PTPRM: variants seen among roughly 807,000 people sequenced by gnomAD.
PTPRM encodes protein tyrosine phosphatase receptor type M.
A neutral mutation model predicts 186.7 loss-of-function variants in PTPRM; 47 were observed. That is an observed-to-expected ratio of 0.25 (90% confidence interval 0.20 to 0.32). The LOEUF (loss-of-function observed/expected upper bound fraction) is 0.32. Ranked by LOEUF, PTPRM falls within the 10% of genes least tolerant of loss-of-function variation. The pLI is 1.00. For missense variants in PTPRM, 1,494 were observed against 1,865.0 expected (o/e 0.80, Z 3.66); for synonymous variants, 668 against 674.9 (o/e 0.99, Z 0.16).
At chr18:8,375,058 A>T (rs925793429) in intron 24 of PTPRM, among the ~76,000 whole-genome samples, 1 of 152,258 alleles carries the variant, frequency 6.6e-6, no homozygotes, top group African/African-American at 2.4e-5. Context: ...TTTTCAAAAC[A>T]GTCTTTTGCT....
chr18:8,301,247 T>G (rs937820359), intron 20 of PTPRM, among the ~76,000 whole-genome samples: 2 of 152,236 alleles, frequency 1.3e-5, no homozygotes, highest in Non-Finnish European at 2.9e-5. Context: ...TAAAACTGTT[T>G]ATTGGCTTTT....
At chr18:7,730,344 CTA>C (rs1468842142) in intron 1 of PTPRM, among the ~76,000 whole-genome samples, 1 of 152,122 alleles carries the variant, frequency 6.6e-6, no homozygotes, top group Non-Finnish European at 1.5e-5. Flanking sequence ...CCAGTCATTT[CTA>C]TGTTACCCCT....
At chr18:8,376,684 T>A in intron 26 of PTPRM, 87 bp downstream of exon 26, 1 of 1,432,202 alleles carries the variant, frequency 7.0e-7, no homozygotes, top group Admixed American at 2.2e-5. Context: ...GCACAAGGAA[T>A]CCAGGCAATT....
intron 2 of PTPRM, among the ~76,000 whole-genome samples, chr18:7,881,412 G>A (rs761967928): frequency 2.6e-5 from 4 of 152,218 alleles, no homozygotes; most frequent in Non-Finnish European, 4.4e-5. Flanking sequence ...TCCCACCTGG[G>A]CAACAAGAGC....
At chr18:8,007,827 T>G (rs538336157) in intron 7 of PTPRM, among the ~76,000 whole-genome samples, 2 of 152,320 alleles carry the variant, frequency 1.3e-5, no homozygotes, top group Admixed American at 6.5e-5. Flanking sequence ...AACTATATGT[T>G]AAATTATTTC....
At chr18:7,988,466 A>C (rs2147588835) in intron 7 of PTPRM, among the ~76,000 whole-genome samples, 1 of 152,280 alleles carries the variant, frequency 6.6e-6, no homozygotes, top group Non-Finnish European at 1.5e-5. Context: ...CAGTGCCATT[A>C]AATGCATTCA....
intron 13 of PTPRM, among the ~76,000 whole-genome samples, chr18:8,126,139 G>A (rs987032344): frequency 2.0e-5 from 3 of 149,684 alleles, no homozygotes; most frequent in African/African-American, 4.9e-5. Flanking sequence ...TAGCCCACAG[G>A]CACCCAGGAA....
At chr18:7,937,295 C>A (rs764402669) in intron 5 of PTPRM, among the ~76,000 whole-genome samples, 2 of 152,222 alleles carry the variant, frequency 1.3e-5, no homozygotes, top group African/African-American at 4.8e-5. Context: ...GGCTGTGACA[C>A]CCTCTTCGTG....
chr18:7,586,477 A>G (rs1485294076), intron 1 of PTPRM, among the ~76,000 whole-genome samples: 1 of 152,108 alleles, frequency 6.6e-6, no homozygotes, highest in East Asian at 1.9e-4. Context: ...AGATTATATT[A>G]TAATATAAAC....
At chr18:8,376,689 G>T in intron 26 of PTPRM, 92 bp downstream of exon 26, 1 of 1,406,480 alleles carries the variant, frequency 7.1e-7, no homozygotes, top group East Asian at 2.4e-5. Context: ...AGGAATCCAG[G>T]CAATTATCTG....
At chr18:8,071,750 C>T (rs1438190713) in intron 8 of PTPRM, among the ~76,000 whole-genome samples, 1 of 152,246 alleles carries the variant, frequency 6.6e-6, no homozygotes, top group East Asian at 1.9e-4. Context: ...TCAAGCTCGC[C>T]TACTCTGCTA....
At chr18:7,912,040 C>T (rs796210133) in intron 4 of PTPRM, among the ~76,000 whole-genome samples, 25 of 151,780 alleles carry the variant, frequency 1.6e-4, no homozygotes, top group East Asian at 5.8e-4. Context: ...TTAGTAGAGA[C>T]GCGGTTTCAC....
chr18:8,158,985 G>A (rs1312494330), intron 14 of PTPRM, among the ~76,000 whole-genome samples: 1 of 152,154 alleles, frequency 6.6e-6, no homozygotes, highest in African/African-American at 2.4e-5. Flanking sequence ...AACATGAGAT[G>A]TGGGGGACAA....
chr18:7,850,138 C>A (rs1273046707), intron 2 of PTPRM, among the ~76,000 whole-genome samples: 1 of 152,146 alleles, frequency 6.6e-6, no homozygotes, highest in African/African-American at 2.4e-5. Context: ...ACCAATATGT[C>A]AGTCTTGAAT....
At chr18:7,778,844 T>C (rs375355409) in intron 2 of PTPRM, among the ~76,000 whole-genome samples, 9 of 152,354 alleles carry the variant, frequency 5.9e-5, no homozygotes, top group African/African-American at 1.7e-4. Flanking sequence ...AATCTTGATA[T>C]AGTAACCTGG....
intron 1 of PTPRM, among the ~76,000 whole-genome samples, chr18:7,658,330 T>TATATATATATATATATATATA (rs2038899119): frequency 8.0e-6 from 1 of 124,440 alleles, no homozygotes; most frequent in African/African-American, 3.1e-5. Flanking sequence ...TAAAGTAAAT[T>TATATATATATATATATATATA]TATATATATA....
intron 23 of PTPRM, among the ~76,000 whole-genome samples, chr18:8,350,587 A>G (rs1036290013): frequency 6.6e-6 from 1 of 152,154 alleles, no homozygotes; most frequent in South Asian, 2.1e-4. Flanking sequence ...ACCATCTTCT[A>G]TCCATTCCAT....
At chr18:7,991,009 G>T (rs145598826) in intron 7 of PTPRM, among the ~76,000 whole-genome samples, 4 of 152,244 alleles carry the variant, frequency 2.6e-5, no homozygotes, top group East Asian at 1.9e-4. Context: ...CAGTATAATT[G>T]AGTGTAATTC....
At position 8,394,593 on chromosome 18, in the gene PTPRM, C is replaced by CATG; in HGVS notation, c.4327_4328insTGA (p.Pro1442_Asn1443insMet). On this transcript the variant is annotated inframe_insertion, in exon 32 of 33. Transcript: ENST00000580170. ...TGAAGACACTGAGGAACAACAAGCCCAACATGGTCGACCTCCTGGTAGGAC... is the reference window on the plus strand; with the variant it reads ...TGAAGACACTGAGGAACAACAAGCCCATGAACATGGTCGACCTCCTGGTAGGAC... 6.2e-7 allele frequency: 1 copy of CATG among 1,611,328 alleles called. No individual in the cohort carries two copies. The highest frequency in any genetic ancestry group is 8.5e-7 in the Non-Finnish European group (1 of 1,178,636).
Sources: allele counts gnomAD v4.1 joint callset (sites outside exome capture counted in the v4.1 genomes callset), GRCh38; gene constraint gnomAD v4.1.1; transcripts MANE v1.5; gene names NCBI Gene and HGNC (gene_info 2026-07-23, HGNC 2026-07-21).